The following TP63 variants were observed in gnomAD, a reference collection of about 807,000 sequenced individuals.
TP63 encodes the protein tumor protein p63.
TP63 carries 17 observed loss-of-function variants against 82.8 expected under a neutral mutation model. The observed-to-expected ratio is 0.21, with a 90% CI of 0.14 to 0.31. The LOEUF is 0.31. Among genes scored for constraint, TP63 ranks in the 10% least tolerant of loss-of-function variants. The pLI is 1.00. For missense variants in TP63, 648 were observed against 895.3 expected (o/e 0.72, Z 3.52); for synonymous variants, 330 against 321.7 (o/e 1.03, Z -0.28).
Position 189,697,767 on chromosome 3 carries a change from T to A in TP63, c.63-39973T>A, listed in dbSNP as rs184755690. On this transcript the variant is annotated intron_variant, in intron 1 of 13. Transcript: ENST00000264731. The stretch of plus-strand genomic sequence containing the variant: ...TTTCTGCATATAGATCCTGTATTTA[T>A]TTTATTGGATTTATAGCCAAATATT... Among the ~76,000 whole-genome samples, 39 of 152,206 alleles carry A rather than the reference T, an allele frequency of 2.6e-4. No homozygotes were observed. The East Asian group carries it at 6.0e-3, about 23-fold the overall frequency.
rs60097753 is a variant in TP63 at position 189,872,400 on chromosome 3, A to AACACACACAC, written c.1213-435_1213-426dup. ...ACTCATGCCTGAATAAAGTTTCTCT[A>AACACACACAC]ACACACACACACACACACACACACA... On this transcript the variant is annotated intron_variant, in intron 9 of 13. Transcript: ENST00000264731. Among the ~76,000 whole-genome samples, 281 of 147,106 alleles carry AACACACACAC rather than the reference A, an allele frequency of 1.9e-3. 2 individuals are homozygous for AACACACACAC. The highest frequency in any genetic ancestry group is 6.2e-3 in the African/African-American group (249 of 40,200).
chr3:189,703,362 A>T (rs1457054779), intron 1 of TP63, among the ~76,000 whole-genome samples: 1 of 151,950 alleles, frequency 6.6e-6, no homozygotes, highest in East Asian at 1.9e-4. Context: ...GGAGGTGGAG[A>T]TTGTAGTGAG....
chr3:189,636,447 C>T (rs1290261991), intron 1 of TP63, among the ~76,000 whole-genome samples: 2 of 152,148 alleles, frequency 1.3e-5, no homozygotes, highest in Non-Finnish European at 2.9e-5. Context: ...CTCAACTCAA[C>T]TCTGAAATAC....
the TP63 span, among the ~76,000 whole-genome samples, chr3:189,620,402 C>T: frequency 7.4e-5 from 11 of 148,956 alleles, no homozygotes; most frequent in African/African-American, 1.2e-4. Flanking sequence ...CCCAGCTTCT[C>T]GGGAGGCTGA....
chr3:189,748,173 T>C (rs1215940693), intron 3 of TP63, among the ~76,000 whole-genome samples: 11 of 151,994 alleles, frequency 7.2e-5, no homozygotes, highest in Admixed American at 5.2e-4. Context: ...CTATTTAACA[T>C]CGTACTGAAA....
intron 1 of TP63, among the ~76,000 whole-genome samples, chr3:189,633,466 G>A (rs1729585182): frequency 2.0e-5 from 3 of 151,966 alleles, no homozygotes; most frequent in African/African-American, 4.8e-5. Context: ...CACTTAACAC[G>A]TGAGAACATA....
intron 6 of TP63, 38 bp from the exon 7 acceptor site, chr3:189,867,795 A>G: frequency 6.4e-7 from 1 of 1,570,770 alleles, no homozygotes; most frequent in Non-Finnish European, 8.8e-7. Flanking sequence ...GTCAGTTTAA[A>G]CCCTTGTTAA....
chr3:189,807,480 T>C (rs1389275001), intron 3 of TP63, among the ~76,000 whole-genome samples: 1 of 152,228 alleles, frequency 6.6e-6, no homozygotes, highest in Non-Finnish European at 1.5e-5. Context: ...CAGAAGGAAA[T>C]ACATGAGCTA....
intron 10 of TP63, chr3:189,873,263 C>T (rs1023266454): frequency 5.5e-6 from 3 of 542,122 alleles, no homozygotes; most frequent in East Asian, 3.4e-5. Flanking sequence ...TAACAGTTCT[C>T]GTCTCTATAT....
In TP63 at chr3:189,807,736, G is replaced by T. The variant is rs908266878; in HGVS notation, c.325-536G>T. 1.1e-4 allele frequency among the ~76,000 whole-genome samples: 17 copies of T among 152,132 alleles called. 1 individual carries two copies. Among genetic ancestry groups the T allele is most frequent in the African/African-American group, 4.1e-4 (17 of 41,432 alleles). The stretch of plus-strand genomic sequence containing the variant: ...GAAACCAGTCCTTAGGGGGCTGGGT[G>T]GTACACTCTTGGTACTCTGGGACAG... On this transcript the variant is annotated intron_variant, in intron 3 of 13. Transcript: ENST00000264731.
chr3:189,677,265 T>TAC (rs757980197), intron 1 of TP63, among the ~76,000 whole-genome samples: 2 of 148,752 alleles, frequency 1.3e-5, no homozygotes, highest in Non-Finnish European at 3.0e-5. Flanking sequence ...CATATAGATA[T>TAC]ACACACACAC....
In TP63 at chr3:189,895,269, T is replaced by G. The variant is rs548590469; in HGVS notation, c.*767T>G. On this transcript the variant is annotated 3_prime_UTR_variant, in exon 14 of 14. Coordinates refer to ENST00000264731, the MANE Select transcript of TP63 (RefSeq NM_003722.5). ...GAAGTTCATGTCCAAACGTCCTCTT[T>G]AGTTTTTGGTTGGGAATGAGGAAAA... 4.5e-6 allele frequency: 1 copy of G among 221,628 alleles called. No homozygotes were observed. Among genetic ancestry groups the G allele is most frequent in the Admixed American group, 5.7e-5 (1 of 17,398 alleles). 13.7% of individuals were successfully genotyped at this position (221,628 alleles called of 1,614,324 possible). A position where few individuals can be genotyped will look rare whatever the true frequency, so the allele number is the denominator to read the frequency against.
chr3:189,611,439 A>G, the TP63 span, among the ~76,000 whole-genome samples: 2 of 152,160 alleles, frequency 1.3e-5, no homozygotes, highest in Non-Finnish European at 2.9e-5. Context: ...GCTTTGTGAA[A>G]GATCAGATGG....
At chr3:189,723,875 T>C (rs745355037) in intron 1 of TP63, among the ~76,000 whole-genome samples, 1 of 152,212 alleles carries the variant, frequency 6.6e-6, no homozygotes, top group African/African-American at 2.4e-5. Flanking sequence ...ATATAATACA[T>C]ACTTACTTTT....
intron 4 of TP63, among the ~76,000 whole-genome samples, chr3:189,858,267 A>T (rs1716551634): frequency 1.6e-5 from 1 of 60,860 alleles, no homozygotes; most frequent in Non-Finnish European, 3.4e-5. Context: ...TAGCCGGGCG[A>T]GGTGGCGGGC....
chr3:189,612,453 C>G, the TP63 span, among the ~76,000 whole-genome samples: 1 of 152,216 alleles, frequency 6.6e-6, no homozygotes, highest in Non-Finnish European at 1.5e-5. Context: ...GATTCTGAGG[C>G]CTTCCCAGCC....
intron 1 of TP63, among the ~76,000 whole-genome samples, chr3:189,696,979 G>A (rs779092776): frequency 1.3e-5 from 2 of 151,944 alleles, no homozygotes; most frequent in African/African-American, 2.4e-5. Context: ...CCAGCCTGAA[G>A]CTTGTCTTTT....
chr3:189,884,506 G>C (rs1383829353), intron 10 of TP63, among the ~76,000 whole-genome samples: 1 of 152,164 alleles, frequency 6.6e-6, no homozygotes, highest in Non-Finnish European at 1.5e-5. Context: ...TTACCCATAT[G>C]TATATTTGGA....
the TP63 span, among the ~76,000 whole-genome samples, chr3:189,615,092 C>T: frequency 6.6e-6 from 1 of 152,214 alleles, no homozygotes; most frequent in Admixed American, 6.5e-5. Flanking sequence ...TTGGGTTATA[C>T]CACATCCTGG....
Sources: allele counts gnomAD v4.1 joint callset (sites outside exome capture counted in the v4.1 genomes callset), GRCh38; gene constraint gnomAD v4.1.1; transcripts MANE v1.5; gene names NCBI Gene and HGNC (gene_info 2026-07-23, HGNC 2026-07-21).